The following PTPRG variants were observed in gnomAD, a reference collection of about 807,000 sequenced individuals.
PTPRG encodes protein tyrosine phosphatase receptor type G.
A neutral mutation model predicts 165.3 loss-of-function variants in PTPRG; 102 were observed. The ratio of observed to expected loss-of-function variants is 0.62; its 90% CI spans 0.53 to 0.73. PTPRG has a LOEUF of 0.73. Among genes scored for constraint, PTPRG ranks in the 30% least tolerant of loss-of-function variants. The pLI, the probability that PTPRG is intolerant of heterozygous loss-of-function variation, is 0.00. For missense variants in PTPRG, 1,866 were observed against 1,861.4 expected, an observed-to-expected ratio of 1.00 and a Z score of -0.05; for synonymous variants, 675 against 669.5, an observed-to-expected ratio of 1.01 and a Z score of -0.13.
chr3:61,720,566 G>A (rs1168333816), intron 1 of PTPRG, among the ~76,000 whole-genome samples: 1 of 152,068 alleles, frequency 6.6e-6, no homozygotes, highest in Non-Finnish European at 1.5e-5. Flanking sequence ...TATCACTCCC[G>A]AAGGTCTCCC....
chr3:61,582,635 C>T (rs151296217), intron 1 of PTPRG, among the ~76,000 whole-genome samples: 1 of 152,318 alleles, frequency 6.6e-6, no homozygotes, highest in Admixed American at 6.5e-5. Context: ...TGACCAGGCT[C>T]ACTCTTGGGT....
At chr3:62,008,082 TG>T (rs2041338179) in intron 4 of PTPRG, among the ~76,000 whole-genome samples, 2 of 152,228 alleles carry the variant, frequency 1.3e-5, no homozygotes, top group African/African-American at 4.8e-5. Flanking sequence ...CAGTTATCTA[TG>T]ACAGCTTCTA....
chr3:62,072,639 G>GTT (rs1701248892), intron 4 of PTPRG, among the ~76,000 whole-genome samples: 1 of 151,408 alleles, frequency 6.6e-6, no homozygotes, highest in Non-Finnish European at 1.5e-5. Context: ...GTGTGTGTGT[G>GTT]TGTGTGTTTT....
chr3:61,792,816 C>T (rs2034928617), intron 2 of PTPRG, among the ~76,000 whole-genome samples: 1 of 151,814 alleles, frequency 6.6e-6, no homozygotes. Flanking sequence ...GCAACCTCCG[C>T]CTCCTGGGTT....
rs1367506317 is a variant in PTPRG, at chr3:62,228,842, C to T, written c.2289-2383C>T. The stretch of plus-strand genomic sequence containing the variant: ...TTTGTCTAGTTTGGAAAACTCTGAG[C>T]TTCCAAGTCATTATTTTTGGTGGGT... On this transcript the variant is annotated intron_variant, in intron 13 of 29. Coordinates refer to ENST00000474889, the MANE Select transcript of PTPRG (RefSeq NM_002841.4). This position sits in a 1 kb window ranked among gnomAD's most constrained non-coding sequence, Gnocchi z 4.1. Among the ~76,000 whole-genome samples, 1 of 152,172 alleles carries T rather than the reference C, an allele frequency of 6.6e-6. No homozygotes were observed.
chr3:62,082,935 C>T (rs1701628668), intron 5 of PTPRG, among the ~76,000 whole-genome samples: 1 of 152,172 alleles, frequency 6.6e-6, no homozygotes. Context: ...TTTTCTAGAT[C>T]ATGCAGATCA....
intron 5 of PTPRG, among the ~76,000 whole-genome samples, chr3:62,128,541 G>A (rs1703398225): frequency 6.6e-6 from 1 of 151,658 alleles, no homozygotes; most frequent in Non-Finnish European, 1.5e-5. Context: ...TCAACTTGTT[G>A]CCCGGTGTTA....
At chr3:61,693,402 A>C (rs1471171342) in intron 1 of PTPRG, among the ~76,000 whole-genome samples, 11 of 152,272 alleles carry the variant, frequency 7.2e-5, no homozygotes, top group African/African-American at 2.2e-4. Flanking sequence ...CTGAACTCTC[A>C]TGGTTAAATG....
At chr3:62,121,838 A>C (rs1703085506) in intron 5 of PTPRG, among the ~76,000 whole-genome samples, 1 of 152,226 alleles carries the variant, frequency 6.6e-6, no homozygotes, top group Non-Finnish European at 1.5e-5. Flanking sequence ...TGGCCCAGTG[A>C]GGAAATGATT....
rs564198180 is a variant in PTPRG at position 61,655,038 on chromosome 3, C to T, written c.85+92666C>T. ...CTGACCTCAGGTGATCCACCCACCT[C>T]GGCTTCCCAAAGTGCTGGGATTACA... On this transcript the variant is annotated intron_variant, in intron 1 of 29. Transcript: ENST00000474889. 3.0e-3 allele frequency among the ~76,000 whole-genome samples: 451 copies of T among 152,090 alleles called. 1 individual carries two copies. Among genetic ancestry groups the T allele is most frequent in the Non-Finnish European group, 4.8e-3 (327 of 67,996 alleles).
At chr3:62,065,480 G>C (rs1272173070) in intron 4 of PTPRG, among the ~76,000 whole-genome samples, 2 of 152,116 alleles carry the variant, frequency 1.3e-5, no homozygotes, top group African/African-American at 4.8e-5. Flanking sequence ...TCTTTCAGGG[G>C]GCTTGCAGCC....
intron 6 of PTPRG, among the ~76,000 whole-genome samples, chr3:62,137,402 G>A (rs1001274215): frequency 1.3e-5 from 2 of 152,148 alleles, no homozygotes; most frequent in African/African-American, 4.8e-5. Context: ...AGAGGCAAGA[G>A]GTCAGGTGAA....
chr3:62,003,586 A>G (rs562030857), intron 4 of PTPRG, 89 bp downstream of exon 4: 4 of 1,531,396 alleles, frequency 2.6e-6, no homozygotes, highest in Non-Finnish European at 3.5e-6. Flanking sequence ...TCATTTTGCA[A>G]ATCACAGCTG....
intron 10 of PTPRG, among the ~76,000 whole-genome samples, chr3:62,201,295 A>G (rs545067882): frequency 6.6e-6 from 1 of 152,352 alleles, no homozygotes; most frequent in East Asian, 1.9e-4. Context: ...GCACGCTACT[A>G]CCCACAAACC....
At chr3:62,108,940 C>A (rs1419213753) in intron 5 of PTPRG, among the ~76,000 whole-genome samples, 5 of 134,224 alleles carry the variant, frequency 3.7e-5, no homozygotes, top group Non-Finnish European at 3.2e-5. Context: ...AGATATTAGC[C>A]CTTTGTCAGA....
chr3:61,958,441 A>T (rs17065626), intron 2 of PTPRG, among the ~76,000 whole-genome samples: 17,881 of 152,184 alleles, frequency 0.12, 1,317 homozygotes, highest in African/African-American at 0.2. Flanking sequence ...GGCTGGAATT[A>T]TCTTGAATCG....
intron 2 of PTPRG, among the ~76,000 whole-genome samples, chr3:61,794,828 A>G (rs1350507982): frequency 6.6e-6 from 1 of 152,154 alleles, no homozygotes. Context: ...CCACCTGAGA[A>G]TGAGAAAGGA....
chr3:61,632,613 A>G (rs1273652720), intron 1 of PTPRG, among the ~76,000 whole-genome samples: 1 of 152,200 alleles, frequency 6.6e-6, no homozygotes, highest in African/African-American at 2.4e-5. Context: ...TTTCAAGTAC[A>G]TCATCTGCTA....
At chr3:61,932,525 C>T (rs756394472) in intron 2 of PTPRG, among the ~76,000 whole-genome samples, 9 of 152,170 alleles carry the variant, frequency 5.9e-5, no homozygotes, top group Non-Finnish European at 7.3e-5. Context: ...ACCTCTAATA[C>T]GGTCACTTGC....
Sources: gnomAD v4.1 joint callset for allele counts (sites outside exome capture counted in the v4.1 genomes callset) on GRCh38, gnomAD v4.1.1 for gene constraint, Gnocchi (gnomAD v3.1) non-coding constraint, MANE v1.5 for transcripts, NCBI Gene and HGNC (gene_info 2026-07-23, HGNC 2026-07-21) for gene names.